The following CD96 variants were observed in gnomAD, a reference collection of about 807,000 sequenced individuals.
CD96 encodes T-cell surface protein tactile.
Under a neutral mutation model 71.3 loss-of-function variants are expected in CD96, and 70 were observed. The ratio of observed to expected loss-of-function variants is 0.98; its 90% CI spans 0.81 to 1.20. CD96 has a LOEUF of 1.20. Ranked by LOEUF, CD96 falls within the 50% of genes most tolerant of loss-of-function variation. The pLI, the probability that CD96 is intolerant of heterozygous loss-of-function variation, is 0.00. For synonymous variants in CD96, 248 were observed against 233.0 expected (o/e 1.06, Z -0.59); for missense variants, 742 against 677.5 (o/e 1.10, Z -1.06).
At chr3:111,600,638 C>T in intron 6 of CD96, 88 bp from the exon 7 acceptor site, 1 of 1,013,222 alleles carries the variant, frequency 9.9e-7, no homozygotes. Flanking sequence ...TCTACATTAC[C>T]ACAAATTGAT....
intron 2 of CD96, among the ~76,000 whole-genome samples, chr3:111,545,929 A>G (rs1028064340): frequency 1.6e-4 from 24 of 152,132 alleles, no homozygotes; most frequent in African/African-American, 5.6e-4. Flanking sequence ...TCAGAACCAT[A>G]AGAAGACATG....
At chr3:111,565,980 A>G (rs1187345290) in intron 2 of CD96, among the ~76,000 whole-genome samples, 1 of 150,426 alleles carries the variant, frequency 6.6e-6, no homozygotes, top group East Asian at 1.9e-4. Flanking sequence ...ATAAACAGAA[A>G]TATGCCATTA....
At chr3:111,648,026 C>T (rs1939913648) in intron 13 of CD96, among the ~76,000 whole-genome samples, 3 of 152,096 alleles carry the variant, frequency 2.0e-5, no homozygotes, top group African/African-American at 7.2e-5. Flanking sequence ...TGCCTAGGCT[C>T]CACTGGTCAT....
intron 13 of CD96, among the ~76,000 whole-genome samples, chr3:111,648,848 T>G (rs1405812690): frequency 6.6e-6 from 1 of 152,226 alleles, no homozygotes; most frequent in Non-Finnish European, 1.5e-5. Context: ...ATATTTCTGT[T>G]GCCTGATATC....
rs1559705078 is a variant in CD96, at chr3:111,542,303, G to C, written c.55G>C (p.Val19Leu). The C allele has an allele frequency of 6.2e-7, 1 of 1,613,622 alleles. No individual in the cohort carries two copies. Among genetic ancestry groups the C allele is most frequent in the Non-Finnish European group, 8.5e-7 (1 of 1,179,510 alleles). The change falls in exon 1 of 14, where the codon GTC (valine) becomes CTC (leucine). Residue 19 changes from valine to leucine, a missense_variant. Val to Leu is a conservative substitution (Grantham distance 32, BLOSUM62 1). Transcript: ENST00000352690. ...AVYYIIQIHF[V>L]KGVWEKTVNT... ...CTATTACATCATCCAGATACATTTT[G>C]TCAAGGGTAAGACTTCCAGTTGTCC...
At chr3:111,663,658 A>G (rs545602510) in intron 14 of CD96, among the ~76,000 whole-genome samples, 26 of 152,314 alleles carry the variant, frequency 1.7e-4, no homozygotes, top group African/African-American at 5.8e-4. Context: ...CAAAATCACA[A>G]TGAGATACCA....
intron 12 of CD96, among the ~76,000 whole-genome samples, chr3:111,640,252 G>A (rs2107764000): frequency 6.6e-6 from 1 of 152,164 alleles, no homozygotes; most frequent in East Asian, 1.9e-4. Flanking sequence ...AAGAAGTGAA[G>A]GGAGAAATAT....
intron 8 of CD96, among the ~76,000 whole-genome samples, chr3:111,619,939 G>A (rs2107701478): frequency 6.6e-6 from 1 of 152,260 alleles, no homozygotes; most frequent in African/African-American, 2.4e-5. Context: ...GGCAGGTAAC[G>A]CCCCACCTAG....
intron 12 of CD96, among the ~76,000 whole-genome samples, chr3:111,639,371 C>T (rs1939489761): frequency 6.6e-6 from 1 of 152,150 alleles, no homozygotes; most frequent in Non-Finnish European, 1.5e-5. Flanking sequence ...CCCCCTCTTT[C>T]CTGACAACCT....
At chr3:111,590,336 T>C (rs1169134204) in intron 5 of CD96, among the ~76,000 whole-genome samples, 1 of 152,228 alleles carries the variant, frequency 6.6e-6, no homozygotes, top group Non-Finnish European at 1.5e-5. Flanking sequence ...GTGTTGGCAA[T>C]TTCCTGCCCC....
chr3:111,642,864 T>A (rs1019345087), intron 12 of CD96, among the ~76,000 whole-genome samples: 1 of 151,354 alleles, frequency 6.6e-6, no homozygotes, highest in Non-Finnish European at 1.5e-5. Context: ...CAGGCCCAGA[T>A]GGATTAACAG....
At chr3:111,546,919 T>C (rs76221747) in intron 2 of CD96, among the ~76,000 whole-genome samples, 1,025 of 137,914 alleles carry the variant, frequency 7.4e-3, no homozygotes, top group Middle Eastern at 0.012. Context: ...CACAGACACA[T>C]ACACACACAC....
Position 111,567,635 on chromosome 3 carries a change from T to G in CD96, c.531T>G (p.Tyr177Ter), listed in dbSNP as rs139639575. The change falls in exon 3 of 14, where the codon TAT (tyrosine) becomes TAG (stop). Residue 177 changes from tyrosine to a stop codon, truncating the protein, a stop_gained. Transcript: ENST00000352690. LOFTEE classifies it high-confidence loss of function. ...SSSKISSEFT[Y>*]AWSVEDNGTQ... Reference sequence around the variant, plus strand: ...CAAAAATTTCATCTGAGTTCACCTATGCATGGTCGGTGGTAAGTGTTGCCC... The same window carrying G: ...CAAAAATTTCATCTGAGTTCACCTAGGCATGGTCGGTGGTAAGTGTTGCCC... 6.2e-7 allele frequency: 1 copy of G among 1,613,232 alleles called. No homozygotes were observed. Among genetic ancestry groups the G allele is most frequent in the East Asian group, 2.2e-5 (1 of 44,882 alleles).
intron 4 of CD96, chr3:111,579,460 T>C: frequency 1.6e-6 from 1 of 608,948 alleles, no homozygotes; most frequent in East Asian, 3.0e-5. Context: ...AAGCCAATAA[T>C]TTTCTGTATT....
chr3:111,663,064 G>A (rs1385781449), intron 14 of CD96, among the ~76,000 whole-genome samples: 1 of 152,188 alleles, frequency 6.6e-6, no homozygotes, highest in African/African-American at 2.4e-5. Context: ...TGGCTTGGGA[G>A]ACCTCAGAAA....
chr3:111,587,838 C>T (rs1413054995), intron 5 of CD96, among the ~76,000 whole-genome samples: 1 of 152,184 alleles, frequency 6.6e-6, no homozygotes, highest in Non-Finnish European at 1.5e-5. Context: ...TACCCTTGGC[C>T]CCTTTCAGTT....
At chr3:111,562,686 T>A (rs1198265729) in intron 2 of CD96, among the ~76,000 whole-genome samples, 1 of 152,230 alleles carries the variant, frequency 6.6e-6, no homozygotes. Context: ...TGCATAGATT[T>A]GTGTGTCAAT....
At chr3:111,556,460 T>A (rs1312339947) in intron 2 of CD96, among the ~76,000 whole-genome samples, 3 of 119,372 alleles carry the variant, frequency 2.5e-5, no homozygotes, top group Non-Finnish European at 3.5e-5. Context: ...CGGTGTTTGG[T>A]TTTTTGTTCT....
intron 5 of CD96, among the ~76,000 whole-genome samples, chr3:111,592,611 T>C (rs1212025607): frequency 6.6e-6 from 1 of 152,192 alleles, no homozygotes. Context: ...CTCTATCCCA[T>C]TTATTTCTAA....
Sources: gnomAD v4.1 joint callset for allele counts (sites outside exome capture counted in the v4.1 genomes callset) on GRCh38, gnomAD v4.1.1 for gene constraint, MANE v1.5 for transcripts, NCBI Gene and HGNC (gene_info 2026-07-23, HGNC 2026-07-21) for gene names.